ZBTB20: variants seen among roughly 807,000 people sequenced by gnomAD.
ZBTB20 encodes zinc finger and BTB domain-containing protein 20.
ZBTB20 carries 9 observed loss-of-function variants against 56.9 expected under a neutral mutation model. The observed-to-expected ratio is 0.16, with a 90% CI of 0.10 to 0.28. ZBTB20 has a LOEUF of 0.28. ZBTB20 is among the 10% of genes least tolerant of loss of function. The probability of loss-of-function intolerance (pLI) is 1.00; values close to 1 mark genes in which losing one functional copy is unlikely to be tolerated. For synonymous variants in ZBTB20, 417 were observed against 420.7 expected, an observed-to-expected ratio of 0.99 and a Z score of 0.11; for missense variants, 655 against 1,003.0, an observed-to-expected ratio of 0.65 and a Z score of 4.69.
At chr3:114,535,500 T>A (rs183295219) in intron 6 of ZBTB20, among the ~76,000 whole-genome samples, 262 of 152,292 alleles carry the variant, frequency 1.7e-3, no homozygotes, top group African/African-American at 6.0e-3. Flanking sequence ...CAGTAGTTAA[T>A]AGCCTACCAA....
In ZBTB20 at chr3:114,982,446, G is replaced by C. The variant is rs539748679; in HGVS notation, c.-506-8030C>G. Among the ~76,000 whole-genome samples the C allele has an allele frequency of 1.1e-3, 172 of 152,152 alleles. 2 individuals carry two copies. The highest frequency in any genetic ancestry group is 1.7e-3 in the Non-Finnish European group (118 of 67,978). ...CCAAAGACAGCAACCAATTTGTAAT[G>C]CAGGATTTGCTTTTAGTGTACCAAT... is the stretch of plus-strand genomic sequence containing the variant. On this transcript the variant is annotated intron_variant, in intron 2 of 11. Coordinates refer to ENST00000675478, the MANE Select transcript of ZBTB20 (RefSeq NM_001348800.3).
At position 114,323,117 on chromosome 3, in the gene ZBTB20, TAACA is replaced by T. The variant is rs1308445922; in HGVS notation, c.*15884_*15887del. The T allele has an allele frequency of 6.6e-6, 1 of 152,214 alleles. No individual in the cohort carries two copies. Among genetic ancestry groups the T allele is most frequent in the Admixed American group, 6.5e-5 (1 of 15,272 alleles). The allele number at this position is 152,214 out of a possible 1,614,324, so 9.4% of individuals were successfully genotyped here. A position where few individuals can be genotyped will look rare whatever the true frequency, so the allele number is the denominator to read the frequency against. On this transcript the variant is annotated 3_prime_UTR_variant, in exon 12 of 12. Coordinates refer to ENST00000675478, the MANE Select transcript of ZBTB20 (RefSeq NM_001348800.3). ...ATCCTGTGATGAAAGATTCTTTTAT[TAACA>T]GTTACTAAAGAGCTGTCAAACTCTG...
At chr3:114,888,026 G>A (rs1320196859) in intron 4 of ZBTB20, among the ~76,000 whole-genome samples, 1 of 151,496 alleles carries the variant, frequency 6.6e-6, no homozygotes, top group African/African-American at 2.4e-5. Context: ...CTCCAAAAGT[G>A]ATGCAACATC....
At chr3:114,996,575 T>C (rs2079036810) in intron 2 of ZBTB20, among the ~76,000 whole-genome samples, 1 of 152,014 alleles carries the variant, frequency 6.6e-6, no homozygotes, top group African/African-American at 2.4e-5. Flanking sequence ...CCATGGTGTA[T>C]ATGTGCCACA....
chr3:115,142,244 A>G (rs941300375), intron 1 of ZBTB20, among the ~76,000 whole-genome samples: 1 of 152,208 alleles, frequency 6.6e-6, no homozygotes, highest in Non-Finnish European at 1.5e-5. Flanking sequence ...AAAACTGCTC[A>G]TTTATAAATA....
chr3:114,354,244 C>T (rs2080982465), intron 10 of ZBTB20, among the ~76,000 whole-genome samples: 1 of 152,196 alleles, frequency 6.6e-6, no homozygotes, highest in Non-Finnish European at 1.5e-5. Context: ...TAACCAAGGT[C>T]TCTTTCATTT....
chr3:114,828,207 C>T (rs2073648867), intron 4 of ZBTB20, among the ~76,000 whole-genome samples: 1 of 151,632 alleles, frequency 6.6e-6, no homozygotes. Flanking sequence ...ATGTATTATT[C>T]ATATGTCTCA....
chr3:114,746,075 G>A (rs2067017205), intron 5 of ZBTB20, among the ~76,000 whole-genome samples: 1 of 152,178 alleles, frequency 6.6e-6, no homozygotes, highest in African/African-American at 2.4e-5. Context: ...GGTTCATCCT[G>A]ATTTGGTTTA....
intron 4 of ZBTB20, among the ~76,000 whole-genome samples, chr3:114,896,875 T>C (rs1001982700): frequency 2.6e-5 from 4 of 152,122 alleles, no homozygotes; most frequent in Non-Finnish European, 4.4e-5. Flanking sequence ...TAATATCTTC[T>C]AAGGCCAGGG....
In ZBTB20 at chr3:114,511,640, A is replaced by G. The variant is rs188344700; in HGVS notation, c.-294-11249T>C. Among the ~76,000 whole-genome samples the G allele has an allele frequency of 1.4e-3, 206 of 152,224 alleles. 4 individuals are homozygous for G. Among genetic ancestry groups the G allele is most frequent in the African/African-American group, 4.9e-3 (202 of 41,552 alleles). On this transcript the variant is annotated intron_variant, in intron 6 of 11. Coordinates refer to ENST00000675478, the MANE Select transcript of ZBTB20 (RefSeq NM_001348800.3). ...ATTCTTAGTTCAGTGAACAGTTAGT[A>G]CAAGGGAAAATCTATCTAATATTTT...
In ZBTB20 at chr3:114,861,109, C is replaced by T. The variant is rs1576144446; in HGVS notation, c.-417+39195G>A. ...GTTACCCATGACTGGAATGCTCTTC[C>T]TCTAGGGTTTAGCATGCTTCTCTCT... On this transcript the variant is annotated intron_variant, in intron 4 of 11. Transcript: ENST00000675478. Among the ~76,000 whole-genome samples the T allele has an allele frequency of 2.6e-5, 4 of 152,308 alleles. No individual in the cohort carries two copies. In the South Asian group the frequency reaches 8.3e-4, roughly 32 times the overall value.
intron 7 of ZBTB20, among the ~76,000 whole-genome samples, chr3:114,486,031 T>C (rs1293359700): frequency 6.7e-6 from 1 of 150,226 alleles, no homozygotes; most frequent in Non-Finnish European, 1.5e-5. Context: ...AACATCAAAA[T>C]GTTTCAAAAG....
chr3:114,928,230 A>T (rs1371328468), intron 3 of ZBTB20, among the ~76,000 whole-genome samples: 1 of 152,184 alleles, frequency 6.6e-6, no homozygotes, highest in African/African-American at 2.4e-5. Context: ...CTGTCGTCTG[A>T]GGCATCCGGG....
At chr3:115,076,090 T>C (rs1235378466) in intron 1 of ZBTB20, among the ~76,000 whole-genome samples, 3 of 152,064 alleles carry the variant, frequency 2.0e-5, no homozygotes, top group Non-Finnish European at 4.4e-5. Flanking sequence ...TACTGAAAAC[T>C]ACAAAACATT....
intron 5 of ZBTB20, among the ~76,000 whole-genome samples, chr3:114,726,365 C>CAA (rs2065280050): frequency 6.6e-6 from 1 of 152,066 alleles, no homozygotes; most frequent in South Asian, 2.1e-4. Flanking sequence ...CCAAAAATCA[C>CAA]TTGTAGTTTC....
At chr3:114,381,798 C>T (rs1008811222) in intron 8 of ZBTB20, among the ~76,000 whole-genome samples, 1 of 152,110 alleles carries the variant, frequency 6.6e-6, no homozygotes, top group African/African-American at 2.4e-5. Flanking sequence ...AAATCTGTTT[C>T]TTCAGAGGGC....
intron 4 of ZBTB20, among the ~76,000 whole-genome samples, chr3:114,892,045 T>C (rs2076832493): frequency 6.7e-6 from 1 of 149,598 alleles, no homozygotes; most frequent in African/African-American, 2.5e-5. Flanking sequence ...AGACTCCATC[T>C]CCAAAAAAAA....
At chr3:114,828,309 G>C (rs2073658555) in intron 4 of ZBTB20, among the ~76,000 whole-genome samples, 1 of 151,390 alleles carries the variant, frequency 6.6e-6, no homozygotes, top group Non-Finnish European at 1.5e-5. Context: ...GTTCCAACAG[G>C]ATGACATATA....
chr3:114,449,078 TTTTC>T (rs552350416), intron 7 of ZBTB20, among the ~76,000 whole-genome samples: 2 of 152,266 alleles, frequency 1.3e-5, no homozygotes, highest in African/African-American at 2.4e-5. Flanking sequence ...GTTTCTTTCT[TTTTC>T]TTTCTTTCTT....
Sources: gnomAD v4.1 joint callset for allele counts (sites outside exome capture counted in the v4.1 genomes callset) on GRCh38, gnomAD v4.1.1 for gene constraint, MANE v1.5 for transcripts, NCBI Gene and HGNC (gene_info 2026-07-23, HGNC 2026-07-21) for gene names.